The following KCNMA1 variants were observed in gnomAD, a reference collection of about 807,000 sequenced individuals.
KCNMA1 encodes Calcium-activated potassium channel subunit alpha-1.
Under a neutral mutation model 140.0 loss-of-function variants are expected in KCNMA1, and 29 were observed. That is an observed-to-expected ratio of 0.21 (90% CI 0.15 to 0.28). The LOEUF is 0.28. Among genes scored for constraint, KCNMA1 ranks in the 10% least tolerant of loss-of-function variants. KCNMA1 has a pLI of 1.00. For synonymous variants in KCNMA1, 612 were observed against 611.9 expected (o/e 1.00, Z 0.00); for missense variants, 880 against 1,602.2 (o/e 0.55, Z 7.70).
At chr10:77,430,837 C>T (rs2097138386) in intron 1 of KCNMA1, among the ~76,000 whole-genome samples, 1 of 152,168 alleles carries the variant, frequency 6.6e-6, no homozygotes, top group Non-Finnish European at 1.5e-5. Context: ...ACAGAGTGGG[C>T]CTCCATTAAG....
intron 14 of KCNMA1, among the ~76,000 whole-genome samples, chr10:77,047,678 C>T (rs1218446612): frequency 6.6e-6 from 1 of 150,932 alleles, no homozygotes. Flanking sequence ...CACTTAAGAG[C>T]CTTTTTTAAA....
chr10:77,392,678 T>C (rs1218877505), intron 2 of KCNMA1, among the ~76,000 whole-genome samples: 1 of 152,204 alleles, frequency 6.6e-6, no homozygotes, highest in African/African-American at 2.4e-5. Context: ...GAGGAATAGC[T>C]CAGAGGAGCT....
At chr10:77,466,809 T>C (rs2098027954) in intron 1 of KCNMA1, among the ~76,000 whole-genome samples, 1 of 151,916 alleles carries the variant, frequency 6.6e-6, no homozygotes, top group Admixed American at 6.6e-5. Context: ...TTGCCTGTTC[T>C]GTCACGTGGG....
At chr10:76,985,882 C>T (rs1208600591) in intron 19 of KCNMA1, among the ~76,000 whole-genome samples, 1 of 152,024 alleles carries the variant, frequency 6.6e-6, no homozygotes, top group African/African-American at 2.4e-5. Flanking sequence ...TAACTAATGA[C>T]CATACTACTT....
At chr10:77,632,313 G>A (rs2093309787) in intron 1 of KCNMA1, among the ~76,000 whole-genome samples, 1 of 152,270 alleles carries the variant, frequency 6.6e-6, no homozygotes, top group East Asian at 1.9e-4. Context: ...TGAGTGTCCT[G>A]GCCAAGAGAC....
chr10:77,195,053 ATTG>A (rs749213984), intron 3 of KCNMA1, among the ~76,000 whole-genome samples: 41 of 151,042 alleles, frequency 2.7e-4, no homozygotes, highest in Middle Eastern at 3.4e-3. Flanking sequence ...TGTTGTTGTT[ATTG>A]TTGTTGTTGT....
chr10:77,434,926 T>C (rs1451692443), intron 1 of KCNMA1, among the ~76,000 whole-genome samples: 1 of 152,236 alleles, frequency 6.6e-6, no homozygotes, highest in Admixed American at 6.5e-5. Flanking sequence ...AACATTTTTC[T>C]TTCAATGGAG....
At chr10:77,301,879 C>T (rs375007212) in intron 2 of KCNMA1, among the ~76,000 whole-genome samples, 1 of 150,572 alleles carries the variant, frequency 6.6e-6, no homozygotes, top group Admixed American at 6.7e-5. Context: ...ATGTTTTCAA[C>T]CCATCAGAAA....
rs551541193 is a variant in KCNMA1 at position 77,352,355 on chromosome 10, C to T, written c.540+51507G>A. On this transcript the variant is annotated intron_variant, in intron 2 of 27. Coordinates refer to ENST00000286628, the MANE Select transcript of KCNMA1 (RefSeq NM_001161352.2). ...TCCCGTGATGCTACTTAACTGAACA[C>T]TACACTCATGTGCCCATTCCCGTTC... 5.1e-4 allele frequency among the ~76,000 whole-genome samples: 77 copies of T among 152,330 alleles called. 1 individual carries two copies. The South Asian group carries it at 0.013, about 25-fold the overall frequency.
chr10:77,414,736 C>G (rs574005921), intron 1 of KCNMA1, among the ~76,000 whole-genome samples: 42 of 152,124 alleles, frequency 2.8e-4, no homozygotes, highest in Non-Finnish European at 4.9e-4. Context: ...GTGATCTGCC[C>G]GCCTCAGCCT....
At chr10:76,969,307 A>AAGGAAGGAAGGAAGGG in intron 20 of KCNMA1, among the ~76,000 whole-genome samples, 1 of 148,734 alleles carries the variant, frequency 6.7e-6, no homozygotes, top group Non-Finnish European at 1.5e-5. Context: ...GGAGGGAAGG[A>AAGGAAGGAAGGAAGGG]AGGAAGGAAG....
chr10:77,536,240 G>A (rs2058856554), intron 1 of KCNMA1, among the ~76,000 whole-genome samples: 1 of 152,154 alleles, frequency 6.6e-6, no homozygotes, highest in Non-Finnish European at 1.5e-5. Flanking sequence ...GAATTATTTG[G>A]TTTGGCAACT....
chr10:77,569,902 C>G (rs1244695960), intron 1 of KCNMA1, among the ~76,000 whole-genome samples: 4 of 151,566 alleles, frequency 2.6e-5, no homozygotes, highest in African/African-American at 4.8e-5. Flanking sequence ...AAAAAACAAA[C>G]AACCCCATCA....
chr10:77,330,083 A>G (rs750383734), intron 2 of KCNMA1, among the ~76,000 whole-genome samples: 2 of 152,136 alleles, frequency 1.3e-5, no homozygotes, highest in Non-Finnish European at 2.9e-5. Flanking sequence ...ACTGTTTCTA[A>G]TATCTAACCC....
At chr10:77,128,305 T>C (rs1165281333) in intron 5 of KCNMA1, among the ~76,000 whole-genome samples, 2 of 152,098 alleles carry the variant, frequency 1.3e-5, no homozygotes, top group African/African-American at 4.8e-5. Flanking sequence ...AAGGTGGGTT[T>C]CTTTCCCCAT....
At chr10:77,628,903 G>T (rs989305079) in intron 1 of KCNMA1, among the ~76,000 whole-genome samples, 2 of 152,190 alleles carry the variant, frequency 1.3e-5, no homozygotes, top group Non-Finnish European at 2.9e-5. Context: ...AGAGGAGGAG[G>T]GGGAGAAGGC....
At chr10:77,066,032 C>T (rs1408061413) in intron 14 of KCNMA1, among the ~76,000 whole-genome samples, 1 of 152,124 alleles carries the variant, frequency 6.6e-6, no homozygotes, top group Non-Finnish European at 1.5e-5. Context: ...GTTCCAGGGA[C>T]CTGACTGCTT....
At chr10:77,175,020 A>G (rs2098740425) in intron 5 of KCNMA1, among the ~76,000 whole-genome samples, 1 of 152,192 alleles carries the variant, frequency 6.6e-6, no homozygotes, top group Non-Finnish European at 1.5e-5. Flanking sequence ...CCATCCCAGC[A>G]TAAGTCAGTA....
intron 1 of KCNMA1, among the ~76,000 whole-genome samples, chr10:77,575,866 C>A (rs1225439251): frequency 6.6e-6 from 1 of 152,212 alleles, no homozygotes; most frequent in African/African-American, 2.4e-5. Context: ...TGGGCCCCAC[C>A]CCCAGAGGGG....
Sources: gnomAD v4.1 joint callset for allele counts (sites outside exome capture counted in the v4.1 genomes callset) on GRCh38, gnomAD v4.1.1 for gene constraint, MANE v1.5 for transcripts, NCBI Gene and HGNC (gene_info 2026-07-23, HGNC 2026-07-21) for gene names.